The following OTUD7A variants were observed in gnomAD, a reference collection of about 807,000 sequenced individuals.
The protein encoded by OTUD7A is OTU deubiquitinase 7A.
In OTUD7A, 12 loss-of-function variants were observed where a neutral mutation model predicts 65.7. The ratio of observed to expected loss-of-function variants is 0.18; its 90% CI spans 0.12 to 0.30. OTUD7A has a LOEUF of 0.30. Among genes scored for constraint, OTUD7A ranks in the 10% least tolerant of loss-of-function variants. OTUD7A has a pLI of 1.00. For missense variants in OTUD7A, 1,148 were observed against 1,304.8 expected, an observed-to-expected ratio of 0.88 and a Z score of 1.85; for synonymous variants, 641 against 586.3, an observed-to-expected ratio of 1.09 and a Z score of -1.35.
chr15:31,662,856 G>C (rs554237777), intron 1 of OTUD7A, among the ~76,000 whole-genome samples: 1 of 152,200 alleles, frequency 6.6e-6, no homozygotes, highest in African/African-American at 2.4e-5. Context: ...CCAAATCCTA[G>C]TTCCTAATAA....
chr15:31,765,666 T>C, intron 1 of OTUD7A: 2 of 711,270 alleles, frequency 2.8e-6, no homozygotes, highest in Non-Finnish European at 4.6e-6. Context: ...ATGACAGACT[T>C]CCTTTTGAGT....
intron 1 of OTUD7A, among the ~76,000 whole-genome samples, chr15:31,688,746 C>G (rs1892899002): frequency 6.6e-6 from 1 of 151,966 alleles, no homozygotes; most frequent in African/African-American, 2.4e-5. Context: ...GAATCAAACA[C>G]ACACAAACAC....
chr15:31,493,663 T>C (rs2041347978), intron 10 of OTUD7A, among the ~76,000 whole-genome samples: 1 of 152,240 alleles, frequency 6.6e-6, no homozygotes, highest in South Asian at 2.1e-4. Context: ...TCATGATGTT[T>C]GTGCTCATGT....
intron 1 of OTUD7A, among the ~76,000 whole-genome samples, chr15:31,744,589 C>T (rs1243583747): frequency 2.6e-5 from 4 of 152,000 alleles, no homozygotes; most frequent in Admixed American, 2.6e-4. Flanking sequence ...AAAATTCTAT[C>T]CTTGAATCTT....
chr15:31,755,903 G>T (rs1595748445), intron 1 of OTUD7A, among the ~76,000 whole-genome samples: 1 of 16 alleles, frequency 0.062, no homozygotes, highest in Admixed American at 0.25. Context: ...AAGGCAAACA[G>T]GGGGTGTGCA....
rs565189456 is a variant in OTUD7A at position 31,656,123 on chromosome 15, T to C, written c.-5+860A>G. Among the ~76,000 whole-genome samples, 252 of 152,230 alleles carry C rather than the reference T, an allele frequency of 1.7e-3. 1 individual carries two copies. The highest frequency in any genetic ancestry group is 5.7e-3 in the African/African-American group (237 of 41,552). ...ACAACATTCTTAAGAATGTCAGATT[T>C]CCCAGGCAGCATGATCCCAGCCAGA... On this transcript the variant is annotated intron_variant, in intron 2 of 12. Coordinates refer to ENST00000307050, the MANE Select transcript of OTUD7A (RefSeq NM_001382637.1).
At chr15:31,589,873 A>C (rs1332823188) in intron 3 of OTUD7A, among the ~76,000 whole-genome samples, 1 of 152,200 alleles carries the variant, frequency 6.6e-6, no homozygotes, top group Non-Finnish European at 1.5e-5. Flanking sequence ...ATTAGTATTG[A>C]AACTATCAAT....
At chr15:31,518,949 G>A (rs763539908) in intron 8 of OTUD7A, among the ~76,000 whole-genome samples, 1 of 152,182 alleles carries the variant, frequency 6.6e-6, no homozygotes, top group Non-Finnish European at 1.5e-5. Flanking sequence ...ATGGAAGGAC[G>A]GGGGCCTCCC....
At chr15:31,571,000 T>C (rs1240631380) in intron 3 of OTUD7A, among the ~76,000 whole-genome samples, 3 of 152,228 alleles carry the variant, frequency 2.0e-5, no homozygotes, top group Admixed American at 2.0e-4. Flanking sequence ...AATAACTTAA[T>C]GTATATTTCA....
chr15:31,814,633 C>T (rs1896503673), intron 1 of OTUD7A, among the ~76,000 whole-genome samples: 1 of 151,806 alleles, frequency 6.6e-6, no homozygotes, highest in African/African-American at 2.4e-5. Flanking sequence ...AAGTGATTCT[C>T]CTGCTTCAGT....
At position 31,489,442 on chromosome 15, in the gene OTUD7A, T is replaced by A. The variant is rs186855047; in HGVS notation, c.1172-1876A>T. Among the ~76,000 whole-genome samples the A allele has an allele frequency of 1.1e-4, 17 of 152,206 alleles. No homozygotes were observed. The East Asian group carries it at 3.3e-3, about 29-fold the overall frequency. On this transcript the variant is annotated intron_variant, in intron 10 of 12. Transcript: ENST00000307050. ...CTGGCTGTCCACCCGCTTCCCAGGGTAGAATTGCTGTTGGAGAACATCAGC... is the reference window on the plus strand; with the variant it reads ...CTGGCTGTCCACCCGCTTCCCAGGGAAGAATTGCTGTTGGAGAACATCAGC...
At chr15:31,719,912 A>G (rs575811711) in intron 1 of OTUD7A, among the ~76,000 whole-genome samples, 85 of 152,122 alleles carry the variant, frequency 5.6e-4, no homozygotes, top group African/African-American at 1.9e-3. Flanking sequence ...CTCCAGCCTC[A>G]GGCCTCGACC....
chr15:31,553,261 C>T (rs1364209802), intron 5 of OTUD7A, among the ~76,000 whole-genome samples: 1 of 152,150 alleles, frequency 6.6e-6, no homozygotes, highest in African/African-American at 2.4e-5. Context: ...CTGCTGGCTC[C>T]TTCTTCTGTT....
intron 1 of OTUD7A, among the ~76,000 whole-genome samples, chr15:31,791,331 A>G (rs1895809392): frequency 6.6e-6 from 1 of 152,180 alleles, no homozygotes; most frequent in Admixed American, 6.5e-5. Context: ...AGCCCTACTA[A>G]TAGTCATCTT....
At chr15:31,508,573 T>G (rs1489032321) in intron 8 of OTUD7A, among the ~76,000 whole-genome samples, 4 of 152,214 alleles carry the variant, frequency 2.6e-5, no homozygotes, top group African/African-American at 9.6e-5. Context: ...AGGATGGTCT[T>G]GATCTCCTGA....
At chr15:31,677,298 A>G (rs1202802802) in intron 1 of OTUD7A, among the ~76,000 whole-genome samples, 1 of 152,162 alleles carries the variant, frequency 6.6e-6, no homozygotes, top group African/African-American at 2.4e-5. Flanking sequence ...GGCAAGAAAT[A>G]AAGCTGCCTT....
chr15:31,749,256 T>A (rs1894563456), intron 1 of OTUD7A, among the ~76,000 whole-genome samples: 1 of 152,200 alleles, frequency 6.6e-6, no homozygotes, highest in Non-Finnish European at 1.5e-5. Flanking sequence ...CTGCACGTTG[T>A]GCACATGTAC....
intron 1 of OTUD7A, among the ~76,000 whole-genome samples, chr15:31,716,174 CAT>C (rs1341529400): frequency 3.3e-5 from 2 of 61,056 alleles, no homozygotes; most frequent in Non-Finnish European, 7.5e-5. Context: ...ATTATTTAAA[CAT>C]ATTTTATATA....
intron 1 of OTUD7A, among the ~76,000 whole-genome samples, chr15:31,756,001 G>A (rs1320357392): frequency 1.3e-5 from 2 of 152,212 alleles, no homozygotes; most frequent in East Asian, 3.9e-4. Context: ...CACAGAGCAA[G>A]GGAGCAGAGC....
Sources: allele counts gnomAD v4.1 joint callset (sites outside exome capture counted in the v4.1 genomes callset), GRCh38; gene constraint gnomAD v4.1.1; transcripts MANE v1.5; gene names NCBI Gene and HGNC (gene_info 2026-07-23, HGNC 2026-07-21).